Variants in NPHP4 observed in about 807,000 individuals in gnomAD.
The protein encoded by NPHP4 is nephrocystin 4, also known as nephrocystin-4.
In NPHP4, 151 loss-of-function variants were observed where a neutral mutation model predicts 155.8. That is an observed-to-expected ratio of 0.97 (90% CI 0.85 to 1.11). NPHP4 has a LOEUF of 1.11. NPHP4 is among the 50% of genes least tolerant of loss of function. NPHP4 has a pLI of 0.00. For missense variants in NPHP4, 1,956 were observed against 1,925.7 expected (o/e 1.02, Z -0.29); for synonymous variants, 845 against 816.8 (o/e 1.03, Z -0.59).
At chr1:5,887,593 GA>G in intron 17 of NPHP4, 127 bp from the exon 18 acceptor site, 1 of 959,132 alleles carries the variant, frequency 1.0e-6, no homozygotes, top group Non-Finnish European at 1.5e-6. Context: ...GTGTGCGCAG[GA>G]TAAGACCCTG....
At chr1:5,947,580 C>T (rs1234966125) in intron 8 of NPHP4, among the ~76,000 whole-genome samples, 1 of 152,190 alleles carries the variant, frequency 6.6e-6, no homozygotes, top group Non-Finnish European at 1.5e-5. Flanking sequence ...GGAAATGCCA[C>T]AGAGGATGGA....
At chr1:5,961,217 G>C (rs1650256434) in intron 6 of NPHP4, among the ~76,000 whole-genome samples, 2 of 152,184 alleles carry the variant, frequency 1.3e-5, no homozygotes, top group South Asian at 4.1e-4. Flanking sequence ...CATGAAGACA[G>C]AAAGCGGAAG....
chr1:5,891,760 G>A (rs1429703226), intron 16 of NPHP4, among the ~76,000 whole-genome samples: 9 of 152,206 alleles, frequency 5.9e-5, no homozygotes, highest in Admixed American at 5.9e-4. Flanking sequence ...ACGAGCAGAG[G>A]AAGGAGCGAA....
At chr1:5,918,586 T>C (rs1424985043) in intron 11 of NPHP4, among the ~76,000 whole-genome samples, 1 of 152,156 alleles carries the variant, frequency 6.6e-6, no homozygotes, top group Admixed American at 6.5e-5. Context: ...AGCTGATTCT[T>C]TGAAGAGACT....
In NPHP4 at chr1:5,948,313, TC is replaced by T. The variant is rs960151065; in HGVS notation, c.811-63del. 196 of 1,312,848 alleles carry T rather than the reference TC, an allele frequency of 1.5e-4. 1 individual carries two copies. Among genetic ancestry groups the T allele is most frequent in the Middle Eastern group, 4.1e-4 (2 of 4,896 alleles). The allele number at this position is 1,312,848 out of a possible 1,614,324, so 81.3% of individuals were successfully genotyped here. A position where few individuals can be genotyped will look rare whatever the true frequency, so the allele number is the denominator to read the frequency against. ...ACGGAAAGAGGGAGCTCGCCAGAAG[TC>T]CCTGGGGGAGGCGAGCAGAGAGAAG... On this transcript the variant is annotated intron_variant, in intron 7 of 29. Transcript: ENST00000378156.
At chr1:5,871,497 T>C (rs1485843450) in intron 23 of NPHP4, among the ~76,000 whole-genome samples, 1 of 152,184 alleles carries the variant, frequency 6.6e-6, no homozygotes. Flanking sequence ...CAAAGTATAT[T>C]TTAGGGTAAC....
intron 9 of NPHP4, among the ~76,000 whole-genome samples, chr1:5,935,301 GC>G (rs1009617516): frequency 2.0e-5 from 3 of 152,138 alleles, no homozygotes; most frequent in Non-Finnish European, 4.4e-5. Flanking sequence ...CAGATCATGG[GC>G]CAGGTTACTG....
At chr1:5,946,349 T>C (rs754594475) in intron 9 of NPHP4, among the ~76,000 whole-genome samples, 2 of 152,264 alleles carry the variant, frequency 1.3e-5, no homozygotes, top group South Asian at 4.1e-4. Context: ...TAGTGTTCTA[T>C]AGGTATATAT....
At chr1:5,874,371 T>C (rs906546540) in intron 22 of NPHP4, 100 bp downstream of exon 22, 2 of 1,191,654 alleles carry the variant, frequency 1.7e-6, no homozygotes, top group Non-Finnish European at 2.3e-6. Flanking sequence ...CTAGTCTGTC[T>C]GCACAGGTAA....
chr1:5,888,277 GA>G, intron 17 of NPHP4: 2 of 927,908 alleles, frequency 2.2e-6, no homozygotes, highest in Non-Finnish European at 2.6e-6. Flanking sequence ...GCATGTGGGG[GA>G]TGACAACGGC....
At position 5,927,780 on chromosome 1, in the gene NPHP4, T is replaced by C; in HGVS notation, c.1310A>G (p.Gln437Arg). 6.2e-7 allele frequency: 1 copy of C among 1,609,802 alleles called. No homozygotes were observed. Among genetic ancestry groups the C allele is most frequent in the South Asian group, 1.1e-5 (1 of 90,974 alleles). ...SASMSSEEVK[Q>R]VESGTLRFQF... ...GAACCGGAGTGTACCCGACTCCACC[T>C]GCTTCACCTGCAATGGACCAGAAGA... Residue 437 changes from glutamine (Q) to arginine (R), a missense_variant, in exon 11 of 30, where the codon CAG becomes CGG. Physicochemically the swap from Gln to Arg is conservative, Grantham distance 43. Transcript: ENST00000378156.
In NPHP4 at chr1:5,948,174, GCCCAGACCATTGTGCAC is replaced by G. The variant is rs767811636; in HGVS notation, c.871_887del (p.Val291LeufsTer13). On this transcript the variant is annotated frameshift_variant, in exon 8 of 30. Coordinates refer to ENST00000378156, the MANE Select transcript of NPHP4 (RefSeq NM_015102.5). LOFTEE classifies it high-confidence loss of function. Reference sequence around the variant, plus strand: ...CAACGACCTGCGGCCTCTGCACGAAGCCCAGACCATTGTGCACGCCCACACGCAGGCGCCGCTCCAGG... The same window carrying G: ...CAACGACCTGCGGCCTCTGCACGAAGGCCCACACGCAGGCGCCGCTCCAGG... 2.5e-5 allele frequency: 40 copies of G among 1,612,780 alleles called. No individual in the cohort carries two copies. The highest frequency in any genetic ancestry group is 3.4e-5 in the Non-Finnish European group (40 of 1,179,740).
chr1:5,866,159 G>C (rs1284608393), intron 26 of NPHP4: 1 of 580,004 alleles, frequency 1.7e-6, no homozygotes. Flanking sequence ...TGCATCCCAA[G>C]TCCCTCAGGC....
intron 18 of NPHP4, among the ~76,000 whole-genome samples, chr1:5,883,162 G>A (rs1489431981): frequency 6.6e-6 from 1 of 152,212 alleles, no homozygotes; most frequent in African/African-American, 2.4e-5. Flanking sequence ...GAAAATGGCA[G>A]ACAAACAAGC....
At chr1:5,967,745 T>C (rs984366587) in intron 4 of NPHP4, among the ~76,000 whole-genome samples, 11 of 152,172 alleles carry the variant, frequency 7.2e-5, no homozygotes, top group African/African-American at 2.4e-4. Flanking sequence ...TGGCAATGTC[T>C]GGAGACATTT....
In NPHP4 at chr1:5,886,322, G is replaced by A. The variant is rs535786464; in HGVS notation, c.2485+964C>T. Among the ~76,000 whole-genome samples, 11 of 152,268 alleles carry A rather than the reference G, an allele frequency of 7.2e-5. No individual in the cohort carries two copies. The South Asian group carries it at 8.3e-4, about 11-fold the overall frequency. On this transcript the variant is annotated intron_variant, in intron 18 of 29. Coordinates refer to ENST00000378156, the MANE Select transcript of NPHP4 (RefSeq NM_015102.5). ...GGCAGAGCCTCCAAGTCGACTTAAC[G>A]AGCTGTGCACTTGAGCCCCTCCGCC...
chr1:5,965,978 C>T (rs574904322), intron 5 of NPHP4, among the ~76,000 whole-genome samples: 2 of 152,294 alleles, frequency 1.3e-5, no homozygotes, highest in South Asian at 4.1e-4. Context: ...CGCAGGACTC[C>T]TCCTGGGCTT....
chr1:5,935,666 G>C (rs577966266), intron 9 of NPHP4, among the ~76,000 whole-genome samples: 1 of 152,304 alleles, frequency 6.6e-6, no homozygotes, highest in Admixed American at 6.5e-5. Context: ...CCTGAGGTCA[G>C]GAGTTCAAGA....
In NPHP4 at chr1:5,891,066, G is replaced by A. The variant is rs748637933; in HGVS notation, c.2144-38C>T. On this transcript the variant is annotated intron_variant, in intron 16 of 29. Coordinates refer to ENST00000378156, the MANE Select transcript of NPHP4 (RefSeq NM_015102.5). ...CACCAAAGGAGGCCAAAAGTAATTG[G>A]AGTCATTCATCATCTTTACACTTGG... The A allele has an allele frequency of 7.7e-6, 11 of 1,431,780 alleles. No individual in the cohort carries two copies. In the Admixed American group the frequency reaches 2.4e-4, roughly 32 times the overall value. 88.7% of individuals were successfully genotyped at this position (1,431,780 alleles called of 1,614,324 possible). A position where few individuals can be genotyped will look rare whatever the true frequency, so the allele number is the denominator to read the frequency against.
Sources: allele counts gnomAD v4.1 joint callset (sites outside exome capture counted in the v4.1 genomes callset), GRCh38; gene constraint gnomAD v4.1.1; transcripts MANE v1.5; gene names NCBI Gene and HGNC (gene_info 2026-07-23, HGNC 2026-07-21).